The following DNAJC6 variants were observed in gnomAD, a reference collection of about 807,000 sequenced individuals.
DNAJC6 encodes the protein DnaJ heat shock protein family (Hsp40) member C6.
DNAJC6 carries 34 observed loss-of-function variants against 110.0 expected under a neutral mutation model. That is an observed-to-expected ratio of 0.31 (90% CI 0.24 to 0.41). The LOEUF is 0.41. DNAJC6 is among the 10% of genes least tolerant of loss of function. The pLI is 1.00. For missense variants in DNAJC6, 1,031 were observed against 1,207.8 expected (o/e 0.85, Z 2.17); for synonymous variants, 406 against 437.2 (o/e 0.93, Z 0.89).
intron 1 of DNAJC6, among the ~76,000 whole-genome samples, chr1:65,266,251 A>G (rs761397350): frequency 6.7e-6 from 1 of 149,390 alleles, no homozygotes; most frequent in African/African-American, 2.5e-5. Flanking sequence ...GCAATGATAT[A>G]TACATATTCA....
chr1:65,326,669 C>T (rs1333852161), intron 1 of DNAJC6, among the ~76,000 whole-genome samples: 4 of 152,284 alleles, frequency 2.6e-5, no homozygotes, highest in Non-Finnish European at 2.9e-5. Context: ...CTCCAGTGCC[C>T]CATAGTTCTT....
intron 14 of DNAJC6, among the ~76,000 whole-genome samples, chr1:65,400,990 G>GT (rs931003913): frequency 6.6e-6 from 1 of 151,574 alleles, no homozygotes; most frequent in Non-Finnish European, 1.5e-5. Flanking sequence ...CATGTTTTTT[G>GT]TTTTTTTTAA....
chr1:65,283,498 C>A (rs1291568452), intron 1 of DNAJC6, among the ~76,000 whole-genome samples: 1 of 152,132 alleles, frequency 6.6e-6, no homozygotes, highest in Non-Finnish European at 1.5e-5. Flanking sequence ...TTCCTTTTTA[C>A]TGCTGAGTAG....
At chr1:65,267,526 A>G (rs1163723332) in intron 1 of DNAJC6, among the ~76,000 whole-genome samples, 1 of 151,762 alleles carries the variant, frequency 6.6e-6, no homozygotes, top group Non-Finnish European at 1.5e-5. Context: ...ATCTTTATGC[A>G]TGTGGGTATA....
At chr1:65,362,423 G>A (rs1180189605) in intron 1 of DNAJC6, among the ~76,000 whole-genome samples, 1 of 152,006 alleles carries the variant, frequency 6.6e-6, no homozygotes, top group Non-Finnish European at 1.5e-5. Context: ...TTTTGAAAAA[G>A]AATAGATGCC....
chr1:65,352,378 A>G (rs1384507044), intron 1 of DNAJC6, among the ~76,000 whole-genome samples: 1 of 152,188 alleles, frequency 6.6e-6, no homozygotes, highest in Non-Finnish European at 1.5e-5. Flanking sequence ...CTAACTAAGT[A>G]ATCTGGTGAA....
intron 1 of DNAJC6, among the ~76,000 whole-genome samples, chr1:65,289,311 T>G (rs1045703503): frequency 6.6e-6 from 1 of 152,160 alleles, no homozygotes; most frequent in Non-Finnish European, 1.5e-5. Flanking sequence ...TTCTCCTGCC[T>G]CAGCCTCCTG....
intron 17 of DNAJC6, 72 bp downstream of exon 17, chr1:65,408,855 G>T (rs1246083419): frequency 2.6e-6 from 4 of 1,541,614 alleles, no homozygotes; most frequent in Non-Finnish European, 3.5e-6. Context: ...TGTGTATGGA[G>T]CTATCGCCAT....
In DNAJC6 at chr1:65,365,204, G is replaced by T. The variant is rs561245029; in HGVS notation, c.344+419G>T. ...GCAATCTGAATAAGCATTACCTACG[G>T]ATTGTAATCAAATCAGAACTTTGTT... On this transcript the variant is annotated intron_variant, in intron 2 of 18. Coordinates refer to ENST00000371069, the MANE Select transcript of DNAJC6 (RefSeq NM_001256864.2). Among the ~76,000 whole-genome samples the T allele has an allele frequency of 2.0e-5, 3 of 152,256 alleles. No homozygotes were observed. The South Asian group carries it at 6.2e-4, about 32-fold the overall frequency.
chr1:65,379,407 A>C lies in DNAJC6; in HGVS notation c.549A>C (p.Ser183=). Residue 183 remains serine, a synonymous_variant, in exon 5 of 19, where the codon TCA becomes TCC. Transcript: ENST00000371069. ...CTTTTGCTGTGCTCCCTTAGGTCTCAGAATGCAGTTGGCCCATTAGGCAGG... is the reference window on the plus strand; with the variant it reads ...CTTTTGCTGTGCTCCCTTAGGTCTCCGAATGCAGTTGGCCCATTAGGCAGG... ...YRTAKFHSRV[S]ECSWPIRQAP... is the part of the protein sequence containing the mutation. 6.2e-7 allele frequency: 1 copy of C among 1,614,082 alleles called. No individual in the cohort carries two copies. Among genetic ancestry groups the C allele is most frequent in the Non-Finnish European group, 8.5e-7 (1 of 1,179,944 alleles).
At chr1:65,282,135 G>T (rs1162809162) in intron 1 of DNAJC6, among the ~76,000 whole-genome samples, 3 of 152,094 alleles carry the variant, frequency 2.0e-5, no homozygotes, top group Admixed American at 2.0e-4. Flanking sequence ...CTTTTGCCCA[G>T]GCTCAAGTGA....
intron 1 of DNAJC6, among the ~76,000 whole-genome samples, chr1:65,315,440 C>G (rs994947301): frequency 6.6e-6 from 1 of 152,100 alleles, no homozygotes; most frequent in African/African-American, 2.4e-5. Flanking sequence ...TCAGAGATAA[C>G]TTCTACTAAA....
chr1:65,401,291 T>C (rs1297667066), intron 14 of DNAJC6, among the ~76,000 whole-genome samples: 1 of 152,230 alleles, frequency 6.6e-6, no homozygotes. Flanking sequence ...CAGCAGTTTT[T>C]AGCTTGACAA....
intron 1 of DNAJC6, chr1:65,279,157 TTGGTGCTGTGTGGTTTAA>T (rs1347809237): frequency 1.0e-6 from 1 of 985,370 alleles, no homozygotes; most frequent in Non-Finnish European, 1.2e-6. Context: ...CATTTTTAGT[TTGGTGCTGTGTGGTTTAA>T]ATTTAGAATA....
upstream of DNAJC6, among the ~76,000 whole-genome samples, chr1:65,309,318 C>T (rs1417642325): frequency 1.3e-5 from 2 of 151,180 alleles, no homozygotes; most frequent in African/African-American, 4.9e-5. Context: ...TTCCTACCTC[C>T]CTTTCCTTCC....
chr1:65,385,137 C>G (rs754297417), intron 6 of DNAJC6, among the ~76,000 whole-genome samples: 1 of 152,078 alleles, frequency 6.6e-6, no homozygotes, highest in Admixed American at 6.5e-5. Context: ...TGTGGGAAAC[C>G]TGATTTAACA....
At chr1:65,266,066 G>C (rs1220835895) in intron 1 of DNAJC6, among the ~76,000 whole-genome samples, 1 of 152,228 alleles carries the variant, frequency 6.6e-6, no homozygotes, top group African/African-American at 2.4e-5. Flanking sequence ...GCAGCCCGTT[G>C]GGCAGGTTTC....
chr1:65,328,622 A>G (rs1024095869), intron 1 of DNAJC6, among the ~76,000 whole-genome samples: 18 of 152,224 alleles, frequency 1.2e-4, no homozygotes, highest in Admixed American at 1.2e-3. Flanking sequence ...CACCATAAGG[A>G]ACCCCCATGT....
intron 13 of DNAJC6, among the ~76,000 whole-genome samples, chr1:65,396,326 T>A (rs1645976657): frequency 1.3e-5 from 2 of 152,188 alleles, no homozygotes; most frequent in Admixed American, 1.3e-4. Flanking sequence ...AGTCATGTCA[T>A]TGCTCTGCTC....
Sources: allele counts gnomAD v4.1 joint callset (sites outside exome capture counted in the v4.1 genomes callset), GRCh38; gene constraint gnomAD v4.1.1; transcripts MANE v1.5; gene names NCBI Gene and HGNC (gene_info 2026-07-23, HGNC 2026-07-21).